Variants in CCT6A observed in about 807,000 individuals in gnomAD.
CCT6A encodes the protein T-complex protein 1 subunit zeta.
Under a neutral mutation model 58.6 loss-of-function variants are expected in CCT6A, and 6 were observed. That is an observed-to-expected ratio of 0.10 (90% confidence interval 0.06 to 0.20). The LOEUF is 0.20. Ranked by LOEUF, CCT6A falls within the 10% of genes least tolerant of loss-of-function variation. The pLI, the probability that CCT6A is intolerant of heterozygous loss-of-function variation, is 1.00. For missense variants in CCT6A, 516 were observed against 648.8 expected, an observed-to-expected ratio of 0.80 and a Z score of 2.22; for synonymous variants, 245 against 227.8, an observed-to-expected ratio of 1.08 and a Z score of -0.68.
intron 6 of CCT6A, 120 bp downstream of exon 6, chr7:56,058,223 C>A: frequency 1.2e-6 from 1 of 854,308 alleles, no homozygotes. Context: ...TTTGGGGGAG[C>A]TATAGGAAAC....
chr7:56,056,692 A>G (rs1471944233), intron 5 of CCT6A, among the ~76,000 whole-genome samples: 1 of 151,684 alleles, frequency 6.6e-6, no homozygotes, highest in Non-Finnish European at 1.5e-5. Context: ...ATTGCACTCC[A>G]GCCTGGGTGA....
chr7:56,061,690 T>TTTC, intron 11 of CCT6A, 57 bp from the exon 12 acceptor site: 1 of 560,360 alleles, frequency 1.8e-6, no homozygotes, highest in Non-Finnish European at 3.1e-6. Flanking sequence ...TTTTTTTTTT[T>TTTC]TTTTACTATC....
At chr7:56,055,294 A>G in intron 3 of CCT6A, 1 of 294,128 alleles carries the variant, frequency 3.4e-6, no homozygotes, top group Non-Finnish European at 6.7e-6. Flanking sequence ...GAAAGAAAAT[A>G]AAGATAGGAT....
chr7:56,054,571 G>A (rs1024113584), intron 3 of CCT6A, 68 bp downstream of exon 3: 9 of 1,482,820 alleles, frequency 6.1e-6, no homozygotes, highest in Non-Finnish European at 8.3e-6. Context: ...TATACAAATT[G>A]ATGTGCTGTT....
In CCT6A at chr7:56,056,366, TC is replaced by T. The variant is rs1472360021; in HGVS notation, c.567del (p.Phe189LeufsTer2). 6.3e-7 allele frequency: 1 copy of T among 1,596,914 alleles called. No homozygotes were observed. ...IKKQDEPIDLFMIEIMEMKHK... is the reference protein window; with the variant it reads ...IKKQDEPIDLXMIEIMEMKHK... Reference sequence around the variant, plus strand: ...AAGCAAGATGAACCTATTGATCTCTTCATGATTGAGATCATGGAGATGAAAC... The same window carrying T: ...AAGCAAGATGAACCTATTGATCTCTTATGATTGAGATCATGGAGATGAAAC... On this transcript the variant is annotated frameshift_variant, in exon 5 of 14. Coordinates refer to ENST00000275603, the MANE Select transcript of CCT6A (RefSeq NM_001762.4). LOFTEE classifies it high-confidence loss of function.
chr7:56,061,979 G>GGGATAAAATA, intron 12 of CCT6A, 130 bp downstream of exon 12: 1 of 518,206 alleles, frequency 1.9e-6, no homozygotes, highest in Non-Finnish European at 3.5e-6. Context: ...GTTCTAAAAT[G>GGGATAAAATA]GGATAAAATA....
At chr7:56,059,504 G>A (rs1398661635) in intron 8 of CCT6A, 40 bp from the exon 9 acceptor site, 3 of 961,194 alleles carry the variant, frequency 3.1e-6, no homozygotes, top group Non-Finnish European at 5.1e-6. Flanking sequence ...AAATTCACTG[G>A]TAACGTTGCT....
Position 56,058,377 on chromosome 7 carries a change from C to CT in CCT6A, c.748dup (p.Tyr250LeufsTer14). ...TTCTTAATAGAGAAGTGAATTCTGG[C>CT]TTTTTTTACAAGAGTGCAGAAGAGA... On this transcript the variant is annotated frameshift_variant, in exon 7 of 14. Transcript: ENST00000275603. LOFTEE classifies it high-confidence loss of function. The CT allele has an allele frequency of 6.4e-7, 1 of 1,570,470 alleles. No individual in the cohort carries two copies. The highest frequency in any genetic ancestry group is 8.6e-7 in the Non-Finnish European group (1 of 1,166,848).
At chr7:56,057,628 C>T (rs1794337521) in intron 5 of CCT6A, among the ~76,000 whole-genome samples, 1 of 152,194 alleles carries the variant, frequency 6.6e-6, no homozygotes, top group Non-Finnish European at 1.5e-5. Flanking sequence ...TGCCTGTAAT[C>T]CCAGCACTTT....
chr7:56,062,223 GA>G (rs1238778416), intron 12 of CCT6A, among the ~76,000 whole-genome samples: 1 of 152,218 alleles, frequency 6.6e-6, no homozygotes, highest in Non-Finnish European at 1.5e-5. Flanking sequence ...ATTAATGCCA[GA>G]AAAGGGGATG....
rs1240606008 is a variant in CCT6A at position 56,063,366 on chromosome 7, GT to G, written c.*283del. 2.6e-6 allele frequency: 1 copy of G among 388,398 alleles called. No homozygotes were observed. The highest frequency in any genetic ancestry group is 4.6e-6 in the Non-Finnish European group (1 of 216,152). The allele number at this position is 388,398 out of a possible 1,614,324, so 24.1% of individuals were successfully genotyped here. ...AAAATTCCATGTTAGATAAGCATAT[GT>G]TACTTACCTTGTTATTAAATATTTC... On this transcript the variant is annotated 3_prime_UTR_variant, in exon 14 of 14. Transcript: ENST00000275603.
chr7:56,055,819 T>C, intron 4 of CCT6A, 22 bp downstream of exon 4: 2 of 1,578,974 alleles, frequency 1.3e-6, no homozygotes, highest in Non-Finnish European at 8.7e-7. Context: ...ATTTTGTCTA[T>C]GTCTGGTATA....
Position 56,060,348 on chromosome 7 carries a change from A to G in CCT6A, c.1145A>G (p.His382Arg). ...VTLLIKGPNK[H>R]TLTQIKDAVR... is the part of the protein sequence containing the mutation. Reference sequence around the variant, plus strand: ...TTATTGATCAAAGGACCAAATAAGCACACACTCACTCAGATCAAAGATGCA... The same window carrying G: ...TTATTGATCAAAGGACCAAATAAGCGCACACTCACTCAGATCAAAGATGCA... The change falls in exon 10 of 14, where the codon CAC (histidine) becomes CGC (arginine). Residue 382 changes from histidine to arginine, a missense_variant. Coordinates refer to ENST00000275603, the MANE Select transcript of CCT6A (RefSeq NM_001762.4). 1 of 1,614,046 alleles carries G rather than the reference A, an allele frequency of 6.2e-7. No homozygotes were observed. The highest frequency in any genetic ancestry group is 8.5e-7 in the Non-Finnish European group (1 of 1,179,892).
At chr7:56,052,306 C>A in intron 1 of CCT6A, 116 bp from the exon 2 acceptor site, 2 of 887,322 alleles carry the variant, frequency 2.3e-6, no homozygotes. Flanking sequence ...TCCTGCTGGA[C>A]ATAACTAGCC....
chr7:56,058,641 G>C lies in CCT6A; in HGVS notation c.907G>C (p.Asp303His). Residue 303 changes from aspartate (D) to histidine (H), a missense_variant, in exon 8 of 14, where the codon GAT (aspartate) becomes CAT (histidine). By Grantham distance (81) the Asp-to-His change is moderately conservative (BLOSUM62 -1). Transcript: ENST00000275603. ...NQKGIDPFSL[D>H]ALSKEGIVAL... ...ACAGGGAATTGACCCCTTTTCCTTA[G>C]ATGCTCTTTCAAAAGAAGGCATAGT... 1 of 1,606,678 alleles carries C rather than the reference G, an allele frequency of 6.2e-7. No homozygotes were observed. The highest frequency in any genetic ancestry group is 8.5e-7 in the Non-Finnish European group (1 of 1,173,828).
intron 3 of CCT6A, among the ~76,000 whole-genome samples, chr7:56,055,060 G>T (rs185423377): frequency 1.8e-4 from 28 of 152,304 alleles, no homozygotes; most frequent in African/African-American, 6.5e-4. Flanking sequence ...GATCACCTGA[G>T]GTTGGGAGTT....
At chr7:56,053,531 C>A (rs1024688818) in intron 2 of CCT6A, among the ~76,000 whole-genome samples, 16 of 152,160 alleles carry the variant, frequency 1.1e-4, no homozygotes, top group African/African-American at 3.9e-4. Context: ...GTAGGTGGAT[C>A]ATTTGAGGCC....
chr7:56,051,977 C>T lies in CCT6A; in HGVS notation c.129C>T (p.Thr43=), dbSNP rs997879990. 11 of 1,525,590 alleles carry T rather than the reference C, an allele frequency of 7.2e-6. No individual in the cohort carries two copies. The African/African-American group carries it at 1.2e-4, about 16-fold the overall frequency. 94.5% of individuals were successfully genotyped at this position (1,525,590 alleles called of 1,614,324 possible). A position where few individuals can be genotyped will look rare whatever the true frequency, so the allele number is the denominator to read the frequency against. Residue 43 remains threonine (T), a synonymous_variant, in exon 1 of 14, where the codon ACC becomes ACT. Coordinates refer to ENST00000275603, the MANE Select transcript of CCT6A (RefSeq NM_001762.4). ...VLRTNLGPKG[T]MKMLVSGAGD... ...GGACCAACCTGGGGCCCAAGGGCAC[C>T]ATGAAGATGTAAGGCGGGGCTGAAC... is the stretch of plus-strand genomic sequence containing the variant.
intron 12 of CCT6A, chr7:56,062,188 G>T: frequency 4.5e-6 from 1 of 219,826 alleles, no homozygotes; most frequent in East Asian, 1.2e-4. Flanking sequence ...TTATATTCAT[G>T]GGTGAAAACC....
Sources: allele counts gnomAD v4.1 joint callset (sites outside exome capture counted in the v4.1 genomes callset), GRCh38; gene constraint gnomAD v4.1.1; transcripts MANE v1.5; gene names NCBI Gene and HGNC (gene_info 2026-07-23, HGNC 2026-07-21).